Variants in ZNF487 observed in about 807,000 individuals in gnomAD.
ZNF487 encodes zinc finger protein 487, also known as KRAB domain only 1.
Under a neutral mutation model 3.0 loss-of-function variants are expected in ZNF487, and 4 were observed. The ratio of observed to expected loss-of-function variants is 1.35; its 90% CI spans 0.66 to 3.08. The LOEUF is 3.08. ZNF487 is among the 30% of genes most tolerant of loss of function. The probability of loss-of-function intolerance (pLI) is 0.01; values close to 1 mark genes in which losing one functional copy is unlikely to be tolerated. For synonymous variants in ZNF487, 55 were observed against 34.6 expected (o/e 1.59, Z -2.06); for missense variants, 146 against 98.7 (o/e 1.48, Z -2.03).
At chr10:43,519,722 T>C in the ZNF487 span, among the ~76,000 whole-genome samples, 1 of 152,184 alleles carries the variant, frequency 6.6e-6, no homozygotes, top group Non-Finnish European at 1.5e-5. Flanking sequence ...TATCTTGGCC[T>C]CCCAAAGTGC....
chr10:43,519,513 G>A, the ZNF487 span, among the ~76,000 whole-genome samples: 1 of 150,964 alleles, frequency 6.6e-6, no homozygotes, highest in Non-Finnish European at 1.5e-5. Flanking sequence ...TGTTGCCCAG[G>A]CCAGATTGCA....
chr10:43,456,775 T>A (rs1840219842), intron 1 of ZNF487, among the ~76,000 whole-genome samples: 1 of 152,084 alleles, frequency 6.6e-6, no homozygotes, highest in African/African-American at 2.4e-5. Flanking sequence ...AAGATAGATT[T>A]TCACCATGTT....
chr10:43,464,818 C>T (rs1840602073), intron 1 of ZNF487, among the ~76,000 whole-genome samples: 2 of 152,228 alleles, frequency 1.3e-5, no homozygotes, highest in Non-Finnish European at 2.9e-5. Flanking sequence ...TTTTCCCCAC[C>T]TTTCCCCCTT....
At chr10:43,469,847 G>C (rs531192556) in intron 1 of ZNF487, among the ~76,000 whole-genome samples, 5 of 151,990 alleles carry the variant, frequency 3.3e-5, no homozygotes, top group African/African-American at 9.6e-5. Flanking sequence ...GTACTCAGGA[G>C]ACTGAGGCAT....
chr10:43,500,646 C>T, the ZNF487 span, among the ~76,000 whole-genome samples: 6 of 151,624 alleles, frequency 4.0e-5, no homozygotes, highest in East Asian at 3.9e-4. Flanking sequence ...GGACCACAGG[C>T]GCACACCACC....
chr10:43,473,209 G>A (rs982437615), intron 1 of ZNF487, among the ~76,000 whole-genome samples: 2 of 150,324 alleles, frequency 1.3e-5, no homozygotes, highest in Admixed American at 6.6e-5. Flanking sequence ...CCGGGTTCAA[G>A]CAATTCTTCT....
At chr10:43,489,634 G>A in the ZNF487 span, among the ~76,000 whole-genome samples, 58 of 152,238 alleles carry the variant, frequency 3.8e-4, no homozygotes, top group Admixed American at 1.8e-3. Flanking sequence ...GATTACAGGC[G>A]TGAGCCACCA....
In ZNF487 at chr10:43,457,779, T is replaced by G. The variant is rs1485081253; in HGVS notation, c.-93-17942T>G. The stretch of plus-strand genomic sequence containing the variant: ...GGCTCATGCCTGTAATCCCAGCACT[T>G]TGGGAGGCCGAGGCGGGCGGATCAC... On this transcript the variant is annotated intron_variant, in intron 1 of 3. Coordinates refer to ENST00000437590, the MANE Select transcript of ZNF487 (RefSeq NM_001355444.3). Among the ~76,000 whole-genome samples, 4 of 151,742 alleles carry G rather than the reference T, an allele frequency of 2.6e-5. No individual in the cohort carries two copies. The South Asian group carries it at 6.2e-4, about 24-fold the overall frequency.
At chr10:43,495,903 T>C in the ZNF487 span, 1 of 431,912 alleles carries the variant, frequency 2.3e-6, no homozygotes, top group South Asian at 1.6e-5. Context: ...AGGTATGCTG[T>C]GTGACATTTT....
chr10:43,512,702 C>T, the ZNF487 span, among the ~76,000 whole-genome samples: 1 of 152,204 alleles, frequency 6.6e-6, no homozygotes, highest in Non-Finnish European at 1.5e-5. Context: ...GCTCAAGTGG[C>T]AGAGCAGCTT....
chr10:43,485,205 T>G (rs1476280945), downstream of ZNF487, among the ~76,000 whole-genome samples: 3 of 152,202 alleles, frequency 2.0e-5, no homozygotes, highest in African/African-American at 7.2e-5. Flanking sequence ...CAGCTTTATT[T>G]ATAATGCAAT....
At chr10:43,472,263 A>C (rs1435695154) in intron 1 of ZNF487, among the ~76,000 whole-genome samples, 1 of 152,158 alleles carries the variant, frequency 6.6e-6, no homozygotes, top group Non-Finnish European at 1.5e-5. Context: ...ACCCAAGCTC[A>C]ACATGATTAA....
intron 1 of ZNF487, among the ~76,000 whole-genome samples, chr10:43,475,023 G>A (rs1375861168): frequency 1.3e-5 from 2 of 152,050 alleles, no homozygotes. Context: ...AACTTCCCCT[G>A]CCTCCACCTC....
At chr10:43,456,673 C>T (rs896753288) in intron 1 of ZNF487, among the ~76,000 whole-genome samples, 2 of 151,966 alleles carry the variant, frequency 1.3e-5, no homozygotes, top group South Asian at 4.1e-4. Context: ...CTCTGCCTCC[C>T]GGGTTCAAGC....
intron 1 of ZNF487, among the ~76,000 whole-genome samples, chr10:43,463,826 G>T (rs1217632243): frequency 6.6e-6 from 1 of 150,864 alleles, no homozygotes; most frequent in Admixed American, 6.6e-5. Context: ...TGTGATCTGT[G>T]ATTTCTGTTA....
intron 1 of ZNF487, among the ~76,000 whole-genome samples, chr10:43,439,358 CT>C (rs1439063958): frequency 6.6e-5 from 10 of 152,064 alleles, no homozygotes; most frequent in African/African-American, 2.4e-4. Flanking sequence ...CATGATTGCA[CT>C]GCTGTACTCC....
intron 1 of ZNF487, among the ~76,000 whole-genome samples, chr10:43,457,744 C>T (rs922368377): frequency 2.0e-5 from 3 of 149,640 alleles, no homozygotes; most frequent in African/African-American, 4.9e-5. Context: ...AGCTCTTTGC[C>T]GGGCAGGGTG....
chr10:43,480,661 C>T (rs1343538521), intron 3 of ZNF487, among the ~76,000 whole-genome samples: 2 of 151,678 alleles, frequency 1.3e-5, no homozygotes, highest in African/African-American at 4.8e-5. Context: ...GGTGATCCAC[C>T]TTCCTTGGCC....
downstream of ZNF487, among the ~76,000 whole-genome samples, chr10:43,485,410 C>T (rs941292667): frequency 1.3e-5 from 2 of 152,206 alleles, no homozygotes; most frequent in African/African-American, 4.8e-5. Context: ...ACATGATTTA[C>T]ATTTCCATAA....
Sources: allele counts gnomAD v4.1 joint callset (sites outside exome capture counted in the v4.1 genomes callset), GRCh38; gene constraint gnomAD v4.1.1; transcripts MANE v1.5; gene names NCBI Gene and HGNC (gene_info 2026-07-23, HGNC 2026-07-21).